LSAMP: variants seen among roughly 807,000 people sequenced by gnomAD.
LSAMP encodes the protein limbic system associated membrane protein, also known as limbic system-associated membrane protein.
A neutral mutation model predicts 38.6 loss-of-function variants in LSAMP; 7 were observed. That is an observed-to-expected ratio of 0.18 (90% CI 0.10 to 0.34). The LOEUF is 0.34. LSAMP is among the 10% of genes least tolerant of loss of function. The pLI, the probability that LSAMP is intolerant of heterozygous loss-of-function variation, is 1.00. For missense variants in LSAMP, 313 were observed against 420.0 expected (o/e 0.75, Z 2.23); for synonymous variants, 154 against 166.8 (o/e 0.92, Z 0.59).
chr3:115,906,433 G>T (rs1287489666), intron 3 of LSAMP, among the ~76,000 whole-genome samples: 1 of 152,070 alleles, frequency 6.6e-6, no homozygotes, highest in Non-Finnish European at 1.5e-5. Flanking sequence ...TGTAGGTATT[G>T]CTAAGAGACC....
chr3:116,419,700 A>C (rs2049097369), intron 1 of LSAMP, among the ~76,000 whole-genome samples: 1 of 152,230 alleles, frequency 6.6e-6, no homozygotes, highest in South Asian at 2.1e-4. Flanking sequence ...ATTCGCAGGG[A>C]AAAGATAAGA....
At chr3:116,425,268 C>T (rs1255850717) in intron 1 of LSAMP, among the ~76,000 whole-genome samples, 1 of 152,144 alleles carries the variant, frequency 6.6e-6, no homozygotes, top group East Asian at 1.9e-4. Context: ...TTACTTATGA[C>T]AAGGGAAAAA....
chr3:116,242,836 T>C (rs201991231), intron 1 of LSAMP, among the ~76,000 whole-genome samples: 1 of 151,560 alleles, frequency 6.6e-6, no homozygotes, highest in East Asian at 1.9e-4. Context: ...GCCTCATAGA[T>C]AGAAGTGTCC....
chr3:116,076,029 C>T (rs989305326), intron 2 of LSAMP, among the ~76,000 whole-genome samples: 4 of 152,084 alleles, frequency 2.6e-5, no homozygotes, highest in Non-Finnish European at 4.4e-5. Context: ...AATTTTCATA[C>T]ATGGCTGTTT....
chr3:115,816,641 C>A (rs2107457281), intron 6 of LSAMP: 2 of 1,285,068 alleles, frequency 1.6e-6, no homozygotes, highest in South Asian at 2.5e-5. Flanking sequence ...ACGGTGGTAC[C>A]AATTTCTAAA....
rs372123457 is a variant in LSAMP, at chr3:116,040,552, G to A, written c.389-20912C>T. 1.9e-3 allele frequency among the ~76,000 whole-genome samples: 295 copies of A among 152,268 alleles called. 10 individuals carry two copies. In the South Asian group the frequency reaches 0.059, roughly 31 times the overall value. On this transcript the variant is annotated intron_variant, in intron 2 of 6. Transcript: ENST00000490035. The stretch of plus-strand genomic sequence containing the variant: ...ATTCCATTGGTTGTTTCTCACTTCT[G>A]TATTTCTGCCATTATTAACTGCCCT...
intron 1 of LSAMP, among the ~76,000 whole-genome samples, chr3:116,431,678 C>A (rs940973862): frequency 1.3e-5 from 2 of 151,922 alleles, no homozygotes; most frequent in Non-Finnish European, 2.9e-5. Context: ...TCTTCATATG[C>A]CCTGGATTTT....
chr3:115,936,259 T>G (rs985958484), intron 3 of LSAMP, among the ~76,000 whole-genome samples: 3 of 152,176 alleles, frequency 2.0e-5, no homozygotes, highest in African/African-American at 7.2e-5. Flanking sequence ...GATCTTTATT[T>G]GAGTAGGGAG....
intron 3 of LSAMP, among the ~76,000 whole-genome samples, chr3:115,872,977 T>C (rs1263100855): frequency 6.6e-6 from 1 of 152,276 alleles, no homozygotes; most frequent in African/African-American, 2.4e-5. Context: ...TACATACACA[T>C]ATATACATAT....
intron 1 of LSAMP, among the ~76,000 whole-genome samples, chr3:116,155,964 G>A (rs1559762900): frequency 1.3e-5 from 2 of 152,158 alleles, no homozygotes; most frequent in East Asian, 3.9e-4. Flanking sequence ...AGTGAGCCAA[G>A]TTCTTCCCTG....
At chr3:115,959,298 C>T (rs980295190) in intron 3 of LSAMP, among the ~76,000 whole-genome samples, 6 of 152,042 alleles carry the variant, frequency 3.9e-5, no homozygotes, top group African/African-American at 1.4e-4. Flanking sequence ...GGCATAGAGT[C>T]TAAAGGTCCA....
chr3:116,350,625 C>CTTTTT (rs111826016), intron 1 of LSAMP, among the ~76,000 whole-genome samples: 1 of 136,048 alleles, frequency 7.4e-6, no homozygotes, highest in African/African-American at 2.9e-5. Context: ...GTCAAGGAAC[C>CTTTTT]TTTTTTTTTT....
chr3:116,257,629 C>G (rs868303681), intron 1 of LSAMP, among the ~76,000 whole-genome samples: 3 of 151,708 alleles, frequency 2.0e-5, no homozygotes, highest in African/African-American at 7.3e-5. Flanking sequence ...CAGAAAAAAA[C>G]AGAATCAGCT....
At chr3:115,939,521 G>GTTCTCT (rs1937821868) in intron 3 of LSAMP, among the ~76,000 whole-genome samples, 1 of 119,578 alleles carries the variant, frequency 8.4e-6, no homozygotes. Flanking sequence ...TTTTCTTTAT[G>GTTCTCT]TTCTCTTTCT....
intron 2 of LSAMP, among the ~76,000 whole-genome samples, chr3:116,057,116 C>T (rs1941503925): frequency 6.6e-6 from 1 of 152,096 alleles, no homozygotes; most frequent in African/African-American, 2.4e-5. Context: ...TGTCAAGATC[C>T]TTTGACAAAC....
At chr3:116,435,394 C>T (rs1434333945) in intron 1 of LSAMP, among the ~76,000 whole-genome samples, 4 of 152,158 alleles carry the variant, frequency 2.6e-5, no homozygotes, top group African/African-American at 9.7e-5. Context: ...TGATAACCTC[C>T]GTGTCACCCC....
intron 2 of LSAMP, among the ~76,000 whole-genome samples, chr3:116,022,793 T>C (rs1192374782): frequency 1.3e-5 from 2 of 152,194 alleles, no homozygotes; most frequent in East Asian, 3.9e-4. Flanking sequence ...AGCCCAGATA[T>C]TTTTCATGAT....
chr3:116,249,128 G>T (rs1038765851), intron 1 of LSAMP, among the ~76,000 whole-genome samples: 4 of 126,972 alleles, frequency 3.2e-5, no homozygotes, highest in African/African-American at 5.5e-5. Flanking sequence ...CAGCCTGGGT[G>T]ACAGAGCGAG....
chr3:115,940,945 C>A (rs995767195), intron 3 of LSAMP, among the ~76,000 whole-genome samples: 1 of 152,006 alleles, frequency 6.6e-6, no homozygotes, highest in Non-Finnish European at 1.5e-5. Flanking sequence ...TTCTTTTTCT[C>A]TAAAAAGCTT....
Sources: gnomAD v4.1 joint callset for allele counts (sites outside exome capture counted in the v4.1 genomes callset) on GRCh38, gnomAD v4.1.1 for gene constraint, MANE v1.5 for transcripts, NCBI Gene and HGNC (gene_info 2026-07-23, HGNC 2026-07-21) for gene names.